The following CDC42BPA variants were observed in gnomAD, a reference collection of about 807,000 sequenced individuals.
CDC42BPA encodes serine/threonine-protein kinase MRCK alpha.
CDC42BPA carries 80 observed loss-of-function variants against 223.5 expected under a neutral mutation model. The ratio of observed to expected loss-of-function variants is 0.36; its 90% confidence interval spans 0.30 to 0.43. The LOEUF is 0.43. CDC42BPA is among the 20% of genes least tolerant of loss of function. CDC42BPA has a pLI of 1.00. For missense variants in CDC42BPA, 1,743 were observed against 2,099.9 expected (o/e 0.83, Z 3.32); for synonymous variants, 694 against 718.6 (o/e 0.97, Z 0.55).
At chr1:227,068,704 A>AT in intron 21 of CDC42BPA, 4 of 1,174,162 alleles carry the variant, frequency 3.4e-6, no homozygotes, top group Non-Finnish European at 4.4e-6. Context: ...AAGGAATCCT[A>AT]TTTAACGAAT....
chr1:227,146,537 T>C (rs1402537689), intron 7 of CDC42BPA, among the ~76,000 whole-genome samples: 5 of 152,146 alleles, frequency 3.3e-5, no homozygotes, highest in Admixed American at 2.6e-4. Context: ...TAGATTATCA[T>C]TCCCTTCTAT....
chr1:227,117,776 T>C (rs944519601), intron 12 of CDC42BPA, among the ~76,000 whole-genome samples: 2 of 152,072 alleles, frequency 1.3e-5, no homozygotes, highest in African/African-American at 4.8e-5. Flanking sequence ...CATAAAAATA[T>C]TGATAAATCT....
rs1801784 is a variant in CDC42BPA, at chr1:226,993,738, A to G, written c.*530T>C. On this transcript the variant is annotated 3_prime_UTR_variant, in exon 37 of 37. Coordinates refer to ENST00000366766, the MANE Select transcript of CDC42BPA (RefSeq NM_001394014.1). ...CTTCTACATTTATGTATTCATTTAA[A>G]CTCTGTACTGTAGTAAAATATGCAT... 1 of 153,148 alleles carries G rather than the reference A, an allele frequency of 6.5e-6. No individual in the cohort carries two copies. Among genetic ancestry groups the G allele is most frequent in the South Asian group, 2.1e-4 (1 of 4,860 alleles). The allele number at this position is 153,148 out of a possible 1,614,324, so 9.5% of individuals were successfully genotyped here.
chr1:227,187,688 C>T (rs28878186), intron 5 of CDC42BPA, among the ~76,000 whole-genome samples: 1 of 72,718 alleles, frequency 1.4e-5, no homozygotes, highest in Admixed American at 1.8e-4. Context: ...CACCCCCCCC[C>T]CAAAAAAAAA....
chr1:227,010,799 C>T (rs1036541929), intron 34 of CDC42BPA: 8 of 789,324 alleles, frequency 1.0e-5, no homozygotes, highest in Non-Finnish European at 8.5e-6. Context: ...ACCATTTCAG[C>T]GGTGTTACTT....
chr1:227,271,286 C>A (rs927532094), intron 1 of CDC42BPA, among the ~76,000 whole-genome samples: 1 of 151,978 alleles, frequency 6.6e-6, no homozygotes, highest in South Asian at 2.1e-4. Flanking sequence ...AAAGAAAGTA[C>A]GTGGCCAGGA....
At chr1:227,070,522 T>C (rs1678070185) in intron 20 of CDC42BPA, among the ~76,000 whole-genome samples, 1 of 151,848 alleles carries the variant, frequency 6.6e-6, no homozygotes, top group African/African-American at 2.4e-5. Flanking sequence ...CAATCCCACA[T>C]TTTTCACTTC....
intron 34 of CDC42BPA, among the ~76,000 whole-genome samples, chr1:227,007,923 T>C (rs943823800): frequency 1.3e-5 from 2 of 152,184 alleles, no homozygotes; most frequent in East Asian, 1.9e-4. Context: ...CCTTTAAACA[T>C]AGAAACCCAG....
chr1:227,004,449 C>G (rs1473070210), intron 35 of CDC42BPA: 1 of 158,916 alleles, frequency 6.3e-6, no homozygotes, highest in East Asian at 1.8e-4. Flanking sequence ...AAATTCTTCC[C>G]TACTTAAAAG....
chr1:227,102,474 C>T (rs532237122), intron 14 of CDC42BPA, among the ~76,000 whole-genome samples: 2 of 152,140 alleles, frequency 1.3e-5, no homozygotes, highest in Admixed American at 6.5e-5. Flanking sequence ...ACCACTGACC[C>T]GTACTATTCT....
In CDC42BPA at chr1:226,990,629, G is replaced by C. The variant is rs943202898; in HGVS notation, c.*3639C>G. On this transcript the variant is annotated 3_prime_UTR_variant, in exon 37 of 37. Transcript: ENST00000366766. Reference sequence around the variant, plus strand: ...TACCTGCTGGGAGACTGCAGTGGTTGTGATCCCGGCCAAAGGCGGCAAATG... The same window carrying C: ...TACCTGCTGGGAGACTGCAGTGGTTCTGATCCCGGCCAAAGGCGGCAAATG... 1 of 152,662 alleles carries C rather than the reference G, an allele frequency of 6.6e-6. No individual in the cohort carries two copies. Among genetic ancestry groups the C allele is most frequent in the African/African-American group, 2.4e-5 (1 of 41,464 alleles). The allele number at this position is 152,662 out of a possible 1,614,324, so 9.5% of individuals were successfully genotyped here. A position where few individuals can be genotyped will look rare whatever the true frequency, so the allele number is the denominator to read the frequency against.
intron 1 of CDC42BPA, among the ~76,000 whole-genome samples, chr1:227,309,479 T>C (rs988449922): frequency 6.6e-6 from 1 of 152,186 alleles, no homozygotes; most frequent in Non-Finnish European, 1.5e-5. Context: ...TTCATGGATG[T>C]AATAAATAGT....
intron 2 of CDC42BPA, chr1:227,219,502 C>A (rs774139614): frequency 6.6e-6 from 1 of 152,222 alleles, no homozygotes; most frequent in African/African-American, 2.4e-5. Context: ...TCGTAACTCA[C>A]TGAGCTGCTG....
chr1:227,120,210 G>A (rs1688424294), intron 11 of CDC42BPA, among the ~76,000 whole-genome samples: 1 of 149,340 alleles, frequency 6.7e-6, no homozygotes, highest in African/African-American at 2.5e-5. Context: ...CAGCACCTTC[G>A]GAAAAATTAA....
intron 1 of CDC42BPA, among the ~76,000 whole-genome samples, chr1:227,287,810 A>T (rs570180512): frequency 6.6e-6 from 1 of 152,330 alleles, no homozygotes; most frequent in South Asian, 2.1e-4. Context: ...CATCATCTCA[A>T]ACGTTTATCA....
chr1:227,119,703 T>A, intron 12 of CDC42BPA, 101 bp downstream of exon 12: 1 of 754,348 alleles, frequency 1.3e-6, no homozygotes, highest in Non-Finnish European at 1.9e-6. Flanking sequence ...AGATAAAATA[T>A]ACTATGTATT....
intron 1 of CDC42BPA, among the ~76,000 whole-genome samples, chr1:227,273,873 A>G (rs941088589): frequency 7.0e-6 from 1 of 142,732 alleles, no homozygotes; most frequent in African/African-American, 2.6e-5. Context: ...AAAAAAAAAA[A>G]CACAAATAAC....
At chr1:227,119,230 C>T (rs1013387928) in intron 12 of CDC42BPA, among the ~76,000 whole-genome samples, 3 of 152,064 alleles carry the variant, frequency 2.0e-5, no homozygotes, top group African/African-American at 7.2e-5. Context: ...TTCTCTAGTG[C>T]TTGAATATTA....
At chr1:227,212,246 C>T (rs1346030210) in intron 3 of CDC42BPA, among the ~76,000 whole-genome samples, 1 of 152,128 alleles carries the variant, frequency 6.6e-6, no homozygotes, top group Non-Finnish European at 1.5e-5. Context: ...TTCACTGCCA[C>T]CATATCTGTC....
Sources: gnomAD v4.1 joint callset for allele counts (sites outside exome capture counted in the v4.1 genomes callset) on GRCh38, gnomAD v4.1.1 for gene constraint, MANE v1.5 for transcripts, NCBI Gene and HGNC (gene_info 2026-07-23, HGNC 2026-07-21) for gene names.